The following RAD51B variants were observed in gnomAD, a reference collection of about 807,000 sequenced individuals.
RAD51B encodes the protein DNA repair protein RAD51 homolog 2.
RAD51B carries 38 observed loss-of-function variants against 42.2 expected under a neutral mutation model. The observed-to-expected ratio is 0.90, with a 90% confidence interval of 0.70 to 1.18. The LOEUF (loss-of-function observed/expected upper bound fraction) is 1.18, where lower values mean the gene tolerates loss of function less well. RAD51B is among the 50% of genes most tolerant of loss of function. RAD51B has a pLI of 0.00. For synonymous variants in RAD51B, 154 were observed against 145.2 expected, an observed-to-expected ratio of 1.06 and a Z score of -0.43; for missense variants, 373 against 400.7, an observed-to-expected ratio of 0.93 and a Z score of 0.59.
rs144130780 is a variant in RAD51B, at chr14:68,148,843, G to C, written c.757-143041G>C. Among the ~76,000 whole-genome samples, 134 of 152,284 alleles carry C rather than the reference G, an allele frequency of 8.8e-4. 1 individual carries two copies. Among genetic ancestry groups the C allele is most frequent in the Middle Eastern group, 3.4e-3 (1 of 294 alleles). ...AACTGTAGGCTAATGGAAGTGTTCT[G>C]AGCATGTTTAAGATAGGCTAAGCCA... On this transcript the variant is annotated intron_variant, in intron 7 of 10. Transcript: ENST00000471583.
chr14:68,027,125 C>G (rs182164752), intron 7 of RAD51B, among the ~76,000 whole-genome samples: 19 of 152,160 alleles, frequency 1.2e-4, no homozygotes, highest in Non-Finnish European at 2.8e-4. Context: ...ATATGAAATT[C>G]TTGGTTGGAA....
intron 10 of RAD51B, chr14:68,650,696 T>C: frequency 2.9e-6 from 2 of 682,900 alleles, no homozygotes; most frequent in Non-Finnish European, 5.3e-6. Context: ...GGATGGCCTA[T>C]CACCCTTTAA....
chr14:67,846,030 G>A (rs575350475), intron 4 of RAD51B, among the ~76,000 whole-genome samples: 17 of 152,292 alleles, frequency 1.1e-4, no homozygotes, highest in Admixed American at 1.0e-3. Context: ...AGGTGTTCTT[G>A]GATCTCTGGC....
At chr14:68,186,604 A>G (rs756493974) in intron 7 of RAD51B, among the ~76,000 whole-genome samples, 1 of 152,210 alleles carries the variant, frequency 6.6e-6, no homozygotes, top group African/African-American at 2.4e-5. Context: ...ACCAACAAAC[A>G]TATGAAAAAA....
chr14:67,898,724 A>G (rs551176904), intron 7 of RAD51B, among the ~76,000 whole-genome samples: 3 of 152,352 alleles, frequency 2.0e-5, no homozygotes, highest in South Asian at 2.1e-4. Context: ...TCAAACAAAT[A>G]AAAAGCCAGA....
intron 7 of RAD51B, among the ~76,000 whole-genome samples, chr14:68,183,371 A>T (rs867583577): frequency 1.7e-5 from 1 of 60,102 alleles, no homozygotes; most frequent in African/African-American, 5.7e-5. Flanking sequence ...AAAGATGAAG[A>T]CTCAGCAAGT....
At position 68,422,233 on chromosome 14, in the gene RAD51B, C is replaced by T. The variant is rs895470831; in HGVS notation, c.957+10706C>T. On this transcript the variant is annotated intron_variant, in intron 9 of 10. Transcript: ENST00000471583. ...CACGGTTTTCCTCAGCGGTGGCGTC[C>T]GCAGAGCACCCAAATTCTTAATAGC... The T allele has an allele frequency of 1.9e-4, 171 of 880,720 alleles. No homozygotes were observed. In the African/African-American group the frequency reaches 2.3e-3, roughly 12 times the overall value. 54.6% of individuals were successfully genotyped at this position (880,720 alleles called of 1,614,324 possible).
intron 10 of RAD51B, among the ~76,000 whole-genome samples, chr14:68,476,045 G>GAAA (rs35479070): frequency 7.8e-6 from 1 of 127,686 alleles, no homozygotes; most frequent in East Asian, 2.2e-4. Flanking sequence ...ATATAAGGCT[G>GAAA]AAAAAAAAAA....
chr14:67,894,496 A>G (rs527527994), intron 7 of RAD51B, among the ~76,000 whole-genome samples: 2 of 152,372 alleles, frequency 1.3e-5, no homozygotes, highest in Middle Eastern at 3.4e-3. Flanking sequence ...GGGATAATAA[A>G]GATGAATAAA....
chr14:67,952,165 C>T (rs573827779), intron 7 of RAD51B, among the ~76,000 whole-genome samples: 2 of 151,034 alleles, frequency 1.3e-5, no homozygotes, highest in South Asian at 4.2e-4. Context: ...CTCAGGTAAC[C>T]AATTGTTACA....
At chr14:68,382,504 T>C (rs1223371080) in intron 8 of RAD51B, among the ~76,000 whole-genome samples, 1 of 152,206 alleles carries the variant, frequency 6.6e-6, no homozygotes, top group Non-Finnish European at 1.5e-5. Flanking sequence ...AAATTATTTA[T>C]TTGTTCATTC....
chr14:68,258,268 G>A (rs1325961085), intron 7 of RAD51B, among the ~76,000 whole-genome samples: 1 of 152,102 alleles, frequency 6.6e-6, no homozygotes, highest in Admixed American at 6.6e-5. Flanking sequence ...AGGCGTGGTG[G>A]TGTTCACTTA....
At chr14:67,873,638 C>T (rs947297002) in intron 5 of RAD51B, among the ~76,000 whole-genome samples, 32 of 151,582 alleles carry the variant, frequency 2.1e-4, no homozygotes, top group Middle Eastern at 6.8e-3. Context: ...CACATGCACA[C>T]GTATGTTTAT....
chr14:67,938,980 G>C (rs983331500), intron 7 of RAD51B, among the ~76,000 whole-genome samples: 1 of 152,318 alleles, frequency 6.6e-6, no homozygotes, highest in Middle Eastern at 3.4e-3. Context: ...AATATTTGTT[G>C]TTGTTGTTGA....
At chr14:67,960,720 G>C (rs2074646610) in intron 7 of RAD51B, among the ~76,000 whole-genome samples, 1 of 152,156 alleles carries the variant, frequency 6.6e-6, no homozygotes, top group Admixed American at 6.5e-5. Context: ...TCAGGCTAGT[G>C]TGCAGTCTTG....
intron 7 of RAD51B, among the ~76,000 whole-genome samples, chr14:67,920,353 A>G (rs1197471894): frequency 3.9e-5 from 6 of 152,042 alleles, no homozygotes; most frequent in Non-Finnish European, 8.8e-5. Flanking sequence ...TACAAATTTT[A>G]CTGTTTAAAG....
chr14:68,319,368 C>G (rs990200117), intron 8 of RAD51B, among the ~76,000 whole-genome samples: 3 of 152,158 alleles, frequency 2.0e-5, no homozygotes, highest in Non-Finnish European at 2.9e-5. Context: ...TTTAACTGAG[C>G]CTTGTATTTC....
At chr14:68,447,513 C>A (rs943840865) in intron 9 of RAD51B, among the ~76,000 whole-genome samples, 3 of 150,882 alleles carry the variant, frequency 2.0e-5, no homozygotes, top group Admixed American at 6.6e-5. Flanking sequence ...ATGAAACTTA[C>A]AATAAACAGC....
intron 7 of RAD51B, among the ~76,000 whole-genome samples, chr14:68,177,663 GTT>G (rs1030092804): frequency 6.8e-6 from 1 of 146,636 alleles, no homozygotes; most frequent in Non-Finnish European, 1.5e-5. Context: ...AAGCAATTAA[GTT>G]TTTTTTTTTT....
Sources: allele counts gnomAD v4.1 joint callset (sites outside exome capture counted in the v4.1 genomes callset), GRCh38; gene constraint gnomAD v4.1.1; transcripts MANE v1.5; gene names NCBI Gene and HGNC (gene_info 2026-07-23, HGNC 2026-07-21).